Variants in PPP4R3A observed in about 807,000 individuals in gnomAD.
PPP4R3A encodes the protein serine/threonine-protein phosphatase 4 regulatory subunit 3A.
In PPP4R3A, 15 loss-of-function variants were observed where a neutral mutation model predicts 91.7. That is an observed-to-expected ratio of 0.16 (90% confidence interval 0.11 to 0.25). PPP4R3A has a LOEUF of 0.25. Among genes scored for constraint, PPP4R3A ranks in the 10% least tolerant of loss-of-function variants. The probability of loss-of-function intolerance (pLI) is 1.00; values close to 1 mark genes in which losing one functional copy is unlikely to be tolerated. For missense variants in PPP4R3A, 623 were observed against 998.4 expected, an observed-to-expected ratio of 0.62 and a Z score of 5.07; for synonymous variants, 377 against 348.7, an observed-to-expected ratio of 1.08 and a Z score of -0.91.
At position 91,471,473 on chromosome 14, in the gene PPP4R3A, G is replaced by A. The variant is rs561270304; in HGVS notation, c.1502-478C>T. On this transcript the variant is annotated intron_variant, in intron 9 of 14. Coordinates refer to ENST00000554943, the MANE Select transcript of PPP4R3A (RefSeq NM_001366432.2). The stretch of plus-strand genomic sequence containing the variant: ...TTACTACTTGTAACGAGTCTATACT[G>A]AATTATAATCATTGACTTATCTTTA... 8.5e-5 allele frequency among the ~76,000 whole-genome samples: 13 copies of A among 152,258 alleles called. No individual in the cohort carries two copies. In the South Asian group the frequency reaches 2.5e-3, roughly 29 times the overall value.
At chr14:91,507,161 A>C (rs973460508) in intron 1 of PPP4R3A, among the ~76,000 whole-genome samples, 13 of 151,520 alleles carry the variant, frequency 8.6e-5, no homozygotes, top group Non-Finnish European at 1.8e-4. Context: ...TCTACTAAAA[A>C]TACAAAAAAA....
At chr14:91,489,888 C>T (rs530565002) in intron 2 of PPP4R3A, among the ~76,000 whole-genome samples, 6 of 152,346 alleles carry the variant, frequency 3.9e-5, no homozygotes, top group African/African-American at 1.2e-4. Flanking sequence ...CATTCCTAAC[C>T]ACTATTTGTG....
chr14:91,479,028 C>T (rs1217898503), intron 4 of PPP4R3A, among the ~76,000 whole-genome samples: 2 of 152,176 alleles, frequency 1.3e-5, no homozygotes, highest in African/African-American at 4.8e-5. Context: ...ATTCTCCTGT[C>T]TCAGCCTCTG....
chr14:91,499,532 ACAACTGCAGGTAGAAACTGTCACATTC>A (rs1356799941), intron 1 of PPP4R3A, among the ~76,000 whole-genome samples: 1 of 152,158 alleles, frequency 6.6e-6, no homozygotes, highest in Non-Finnish European at 1.5e-5. Context: ...CATCACCAAG[ACAACTGCAGGTAGAAACTGTCACATTC>A]CAATAGCAAG....
Position 91,481,878 on chromosome 14 carries a change from T to C in PPP4R3A, c.613A>G (p.Thr205Ala). The part of the protein sequence containing the change: ...IIKGIFLLNR[T>A]ALFEVMFSEE... Reference sequence around the variant, plus strand: ...GAGAACATAACTTCAAAAAGAGCAGTTCGATTCAAGAGAAAGATGCCTTTG... The same window carrying C: ...GAGAACATAACTTCAAAAAGAGCAGCTCGATTCAAGAGAAAGATGCCTTTG... Residue 205 changes from threonine (T) to alanine (A), a missense_variant, in exon 4 of 15, where the codon ACT (threonine) becomes GCT (alanine). Physicochemically the swap from Thr to Ala is moderately conservative, Grantham distance 58. This residue lies in a region of PPP4R3A where 264 missense variants were observed against 377.3 expected (regional missense o/e 0.70). Transcript: ENST00000554943. 1 of 1,614,092 alleles carries C rather than the reference T, an allele frequency of 6.2e-7. No individual in the cohort carries two copies. Among genetic ancestry groups the C allele is most frequent in the Non-Finnish European group, 8.5e-7 (1 of 1,180,030 alleles).
intron 4 of PPP4R3A, among the ~76,000 whole-genome samples, chr14:91,477,588 A>T (rs1889285189): frequency 2.0e-5 from 3 of 152,206 alleles, no homozygotes; most frequent in African/African-American, 7.2e-5. Context: ...AAGGTGGCAG[A>T]GCCTTCATGA....
intron 3 of PPP4R3A, among the ~76,000 whole-genome samples, chr14:91,484,801 A>C (rs1889785711): frequency 6.6e-6 from 1 of 152,224 alleles, no homozygotes; most frequent in Admixed American, 6.5e-5. Flanking sequence ...TAGATAAAGT[A>C]AACATGGAGA....
intron 4 of PPP4R3A, 124 bp from the exon 5 acceptor site, chr14:91,477,110 C>A: frequency 2.3e-5 from 10 of 429,430 alleles, no homozygotes; most frequent in Non-Finnish European, 3.5e-5. Context: ...GCAATGCTGT[C>A]TTTTTTTTTT....
In PPP4R3A at chr14:91,481,559, G is replaced by A; in HGVS notation, c.915+17C>T. 6.6e-7 allele frequency: 1 copy of A among 1,515,688 alleles called. No homozygotes were observed. The highest frequency in any genetic ancestry group is 8.8e-7 in the Non-Finnish European group (1 of 1,137,194). 93.9% of individuals were successfully genotyped at this position (1,515,688 alleles called of 1,614,324 possible). A position where few individuals can be genotyped will look rare whatever the true frequency, so the allele number is the denominator to read the frequency against. On this transcript the variant is annotated intron_variant, in intron 4 of 14. Transcript: ENST00000554943. ...CTGCATCTCTTGAAATATGAAAAAA[G>A]GAATGATCTAACTCACCTGCAACAT... is the stretch of plus-strand genomic sequence containing the variant.
chr14:91,509,486 C>T lies in PPP4R3A; in HGVS notation c.142+20G>A. ...GGCCGTGGGGGCTGCGAGGGTCCCG[C>T]CGCGCGGGGCTTCACTTACCGTCGC... On this transcript the variant is annotated intron_variant, in intron 1 of 14. Coordinates refer to ENST00000554943, the MANE Select transcript of PPP4R3A (RefSeq NM_001366432.2). 1 of 1,572,144 alleles carries T rather than the reference C, an allele frequency of 6.4e-7. No individual in the cohort carries two copies. Among genetic ancestry groups the T allele is most frequent in the East Asian group, 2.3e-5 (1 of 43,088 alleles).
intron 1 of PPP4R3A, 98 bp from the exon 2 acceptor site, chr14:91,490,900 A>ATTTT (rs36126220): frequency 1.3e-4 from 37 of 278,840 alleles, no homozygotes; most frequent in African/African-American, 2.0e-4. Flanking sequence ...AATAATAATA[A>ATTTT]TTTTTTTTTT....
At chr14:91,506,210 G>A (rs1891283677) in intron 1 of PPP4R3A, among the ~76,000 whole-genome samples, 1 of 152,192 alleles carries the variant, frequency 6.6e-6, no homozygotes, top group South Asian at 2.1e-4. Flanking sequence ...GCCTCCCTAA[G>A]TGATGGGATT....
chr14:91,464,362 A>G (rs969853099), intron 11 of PPP4R3A, among the ~76,000 whole-genome samples: 1 of 142,214 alleles, frequency 7.0e-6, no homozygotes, highest in Non-Finnish European at 1.5e-5. Context: ...TGTTACAGAA[A>G]AGTTCTGGAG....
At chr14:91,463,194 T>A (rs1336143513) in intron 11 of PPP4R3A, among the ~76,000 whole-genome samples, 2 of 151,832 alleles carry the variant, frequency 1.3e-5, no homozygotes, top group African/African-American at 4.8e-5. Flanking sequence ...GCCTCCAGAG[T>A]AGCTGGGATT....
At chr14:91,466,940 A>AACACACACAC (rs10525073) in intron 10 of PPP4R3A, among the ~76,000 whole-genome samples, 10,073 of 147,210 alleles carry the variant, frequency 0.068, 652 homozygotes, top group African/African-American at 0.17. Flanking sequence ...GTCCTACCAT[A>AACACACACAC]ACACACACAC....
At chr14:91,495,302 A>ATGTATGTGTGTGTGTGTG (rs1555437569) in intron 1 of PPP4R3A, among the ~76,000 whole-genome samples, 3 of 140,870 alleles carry the variant, frequency 2.1e-5, no homozygotes, top group Non-Finnish European at 3.0e-5. Context: ...CAGATACATA[A>ATGTATGTGTGTGTGTGTG]TGTGTGTGTG....
chr14:91,476,298 C>T lies in PPP4R3A; in HGVS notation c.1110+110G>A, dbSNP rs114130864. The stretch of plus-strand genomic sequence containing the variant: ...ACAGCTTCTTTAACTTAATGAACTA[C>T]GCAGCTAATTTCAAATATTGGCTAT... On this transcript the variant is annotated intron_variant, in intron 6 of 14. Transcript: ENST00000554943. The T allele has an allele frequency of 1.5e-3, 1,267 of 858,204 alleles. 14 individuals are homozygous for T. The African/African-American group carries it at 0.02, about 13-fold the overall frequency. The allele number at this position is 858,204 out of a possible 1,614,324, so 53.2% of individuals were successfully genotyped here.
chr14:91,498,240 CAGG>C (rs796315434), intron 1 of PPP4R3A, among the ~76,000 whole-genome samples: 15 of 151,752 alleles, frequency 9.9e-5, no homozygotes, highest in African/African-American at 3.4e-4. Context: ...GAGGCTGAAG[CAGG>C]AGAATTGCTT....
intron 11 of PPP4R3A, among the ~76,000 whole-genome samples, chr14:91,463,795 C>T (rs1412473186): frequency 6.6e-6 from 1 of 151,994 alleles, no homozygotes; most frequent in Non-Finnish European, 1.5e-5. Flanking sequence ...GGTCCATGTG[C>T]GTATTTGTTA....
Sources: gnomAD v4.1 joint callset for allele counts (sites outside exome capture counted in the v4.1 genomes callset) on GRCh38, gnomAD v4.1.1 for gene constraint, gnomAD v4.1.1 regional missense constraint, MANE v1.5 for transcripts, NCBI Gene and HGNC (gene_info 2026-07-23, HGNC 2026-07-21) for gene names.